The following NTRK3 variants were observed in gnomAD, a reference collection of about 807,000 sequenced individuals.
NTRK3 encodes neurotrophic receptor tyrosine kinase 3.
Under a neutral mutation model 91.7 loss-of-function variants are expected in NTRK3, and 24 were observed. The observed-to-expected ratio is 0.26, with a 90% CI of 0.19 to 0.37. NTRK3 has a LOEUF of 0.37. NTRK3 is among the 10% of genes least tolerant of loss of function. NTRK3 has a pLI of 1.00. For synonymous variants in NTRK3, 483 were observed against 404.0 expected (o/e 1.20, Z -2.34); for missense variants, 880 against 1,068.9 (o/e 0.82, Z 2.46).
At chr15:87,988,545 T>G (rs2075034168) in intron 14 of NTRK3, among the ~76,000 whole-genome samples, 1 of 152,244 alleles carries the variant, frequency 6.6e-6, no homozygotes, top group African/African-American at 2.4e-5. Context: ...GGTACCACTG[T>G]TATAACTTCT....
At chr15:87,896,473 GAAA>G (rs377592642) in intron 17 of NTRK3, among the ~76,000 whole-genome samples, 1 of 92,588 alleles carries the variant, frequency 1.1e-5, no homozygotes. Context: ...CTGTCTCAAA[GAAA>G]AAAAAAAAAA....
At chr15:88,198,789 G>T (rs939573146) in intron 3 of NTRK3, among the ~76,000 whole-genome samples, 3 of 152,142 alleles carry the variant, frequency 2.0e-5, no homozygotes, top group African/African-American at 7.2e-5. Context: ...GGAAAGAGCT[G>T]TCTAAGTAGC....
chr15:88,018,473 C>T (rs1342298687), intron 14 of NTRK3, among the ~76,000 whole-genome samples: 1 of 152,142 alleles, frequency 6.6e-6, no homozygotes, highest in Non-Finnish European at 1.5e-5. Flanking sequence ...CTACCTTTGA[C>T]CAGTAAATGA....
At chr15:87,916,355 C>G (rs1596236228) in intron 17 of NTRK3, 1 of 438,496 alleles carries the variant, frequency 2.3e-6, no homozygotes, top group Non-Finnish European at 4.1e-6. Context: ...AAAAGGAGAT[C>G]CTGTTATGAC....
chr15:87,969,432 AT>A (rs2073077009), intron 14 of NTRK3, among the ~76,000 whole-genome samples: 1 of 152,200 alleles, frequency 6.6e-6, no homozygotes, highest in Admixed American at 6.5e-5. Flanking sequence ...AATAGCAATA[AT>A]AAGAAGAATA....
chr15:88,013,935 C>A (rs539570337), intron 14 of NTRK3, among the ~76,000 whole-genome samples: 17 of 152,100 alleles, frequency 1.1e-4, no homozygotes, highest in Non-Finnish European at 1.9e-4. Context: ...TACAGTGAGA[C>A]CCTGTCTCAA....
At chr15:88,070,759 C>G (rs1223191369) in intron 13 of NTRK3, among the ~76,000 whole-genome samples, 1 of 152,110 alleles carries the variant, frequency 6.6e-6, no homozygotes, top group South Asian at 2.1e-4. Flanking sequence ...GCCAGCACCA[C>G]AGCAAAATGT....
rs868717775 is a variant in NTRK3, at chr15:88,206,660, A to G, written c.249-22361T>C. Among the ~76,000 whole-genome samples the G allele has an allele frequency of 8.6e-3, 1,177 of 137,290 alleles. 15 individuals are homozygous for G. The highest frequency in any genetic ancestry group is 0.029 in the African/African-American group (1,116 of 38,302). The allele number at this position is 137,290 out of a possible 152,430, so 90.1% of individuals were successfully genotyped here. A position where few individuals can be genotyped will look rare whatever the true frequency, so the allele number is the denominator to read the frequency against. ...GCGACAGAGCAAGACTCCGTCTCGAAAAAAAAAAAAAAAAAAACAAACCTC... is the reference window on the plus strand; with the variant it reads ...GCGACAGAGCAAGACTCCGTCTCGAGAAAAAAAAAAAAAAAAACAAACCTC... On this transcript the variant is annotated intron_variant, in intron 3 of 18. Coordinates refer to ENST00000394480, the Ensembl canonical transcript of NTRK3.
chr15:88,171,061 T>C (rs2045469229), intron 5 of NTRK3, among the ~76,000 whole-genome samples: 1 of 151,952 alleles, frequency 6.6e-6, no homozygotes, highest in Non-Finnish European at 1.5e-5. Flanking sequence ...GCAACCACAT[T>C]AAAGAAATGC....
intron 5 of NTRK3, among the ~76,000 whole-genome samples, chr15:88,164,396 G>A (rs1024811744): frequency 6.6e-6 from 1 of 152,214 alleles, no homozygotes; most frequent in African/African-American, 2.4e-5. Flanking sequence ...ACAATCTTCA[G>A]AATGCTGTGA....
At chr15:88,007,075 G>A (rs145413459) in intron 14 of NTRK3, among the ~76,000 whole-genome samples, 1 of 152,296 alleles carries the variant, frequency 6.6e-6, no homozygotes, top group East Asian at 1.9e-4. Flanking sequence ...AACCTAGCGT[G>A]AGGAGAGACA....
intron 3 of NTRK3, among the ~76,000 whole-genome samples, chr15:88,188,083 C>T (rs1287523340): frequency 7.2e-5 from 11 of 152,202 alleles, no homozygotes; most frequent in Admixed American, 7.2e-4. Flanking sequence ...AAACCCACTC[C>T]CGCTGTGGAG....
intron 14 of NTRK3, among the ~76,000 whole-genome samples, chr15:88,005,141 C>A (rs1190820078): frequency 6.6e-6 from 1 of 152,104 alleles, no homozygotes; most frequent in Admixed American, 6.5e-5. Flanking sequence ...TCACTGGGAT[C>A]CATCCTCATT....
intron 14 of NTRK3, among the ~76,000 whole-genome samples, chr15:88,024,481 A>T (rs2077860983): frequency 6.6e-6 from 1 of 152,130 alleles, no homozygotes; most frequent in Admixed American, 6.5e-5. Context: ...AGTAAAAGAG[A>T]AAAGGAAGTT....
exon 19 of NTRK3, chr15:87,860,716 C>T (rs901931875): frequency 2.9e-5 from 6 of 209,950 alleles, no homozygotes; most frequent in Admixed American, 1.8e-4. Context: ...ACTAAAACCT[C>T]AGTCACTTAT....
chr15:88,198,559 T>A (rs944905557), intron 3 of NTRK3, among the ~76,000 whole-genome samples: 6 of 152,258 alleles, frequency 3.9e-5, no homozygotes, highest in African/African-American at 1.4e-4. Context: ...TGCTGATGTA[T>A]GTATGTAATC....
intron 14 of NTRK3, chr15:87,981,405 A>T: frequency 6.2e-7 from 1 of 1,613,642 alleles, no homozygotes. Flanking sequence ...TCAGTATTAA[A>T]CCCCAAGTGC....
At chr15:87,992,618 C>A (rs899517932) in intron 14 of NTRK3, among the ~76,000 whole-genome samples, 2 of 152,252 alleles carry the variant, frequency 1.3e-5, no homozygotes, top group African/African-American at 4.8e-5. Flanking sequence ...AGGCAATGAG[C>A]AAAGTGCTGT....
intron 15 of NTRK3, among the ~76,000 whole-genome samples, chr15:87,938,626 A>C (rs2069516263): frequency 6.6e-6 from 1 of 152,184 alleles, no homozygotes; most frequent in African/African-American, 2.4e-5. Flanking sequence ...ATGCCAGACC[A>C]CTCGGGGAAA....
Sources: allele counts gnomAD v4.1 joint callset (sites outside exome capture counted in the v4.1 genomes callset), GRCh38; gene constraint gnomAD v4.1.1; transcripts MANE v1.5; gene names NCBI Gene and HGNC (gene_info 2026-07-23, HGNC 2026-07-21).